The following CNTN6 variants were observed in gnomAD, a reference collection of about 807,000 sequenced individuals.
CNTN6 encodes the protein contactin-6.
In CNTN6, 137 loss-of-function variants were observed where a neutral mutation model predicts 122.8. That is an observed-to-expected ratio of 1.12 (90% CI 0.97 to 1.29). The LOEUF is 1.29. CNTN6 is among the 50% of genes most tolerant of loss of function. The pLI, the probability that CNTN6 is intolerant of heterozygous loss-of-function variation, is 0.00. For missense variants in CNTN6, 1,634 were observed against 1,223.4 expected (o/e 1.34, Z -5.01); for synonymous variants, 570 against 426.0 (o/e 1.34, Z -4.16).
intron 4 of CNTN6, among the ~76,000 whole-genome samples, chr3:1,245,042 G>C (rs1288999713): frequency 6.7e-6 from 1 of 148,730 alleles, no homozygotes; most frequent in African/African-American, 2.5e-5. Flanking sequence ...GGATGTATAC[G>C]TGCAAGTTAC....
chr3:1,099,393 G>A lies in CNTN6; in HGVS notation c.-83+6273G>A, dbSNP rs563385399. On this transcript the variant is annotated intron_variant, in intron 1 of 22. Transcript: ENST00000446702. ...GGGAACCCGGGGGGCGGAGCTTGCA[G>A]TGAGCCGAGATTGAGCCATTACACT... is the stretch of plus-strand genomic sequence containing the variant. Among the ~76,000 whole-genome samples the A allele has an allele frequency of 9.9e-5, 15 of 152,250 alleles. No homozygotes were observed. In the South Asian group the frequency reaches 1.0e-3, roughly 11 times the overall value.
Position 1,403,332 on chromosome 3 carries a change from G to A in CNTN6, c.3001G>A (p.Gly1001Arg). ...ATATTTTGCAGGTTTGAGTTCCAGA[G>A]GAATTCAATTCTTAGAACCTAGCAC... ...IPKMSSLSSR[G>R]IQFLEPSTHF... The change falls in exon 23 of 23, where the codon GGA (glycine) becomes AGA (arginine). Residue 1001 changes from glycine to arginine, a missense_variant. Physicochemically the swap from Gly to Arg is moderately radical, Grantham distance 125 (BLOSUM62 -2). Transcript: ENST00000446702. 6.2e-7 allele frequency: 1 copy of A among 1,606,908 alleles called. No homozygotes were observed. Among genetic ancestry groups the A allele is most frequent in the Non-Finnish European group, 8.5e-7 (1 of 1,176,022 alleles).
At chr3:1,322,648 A>ATGTG (rs1378474978) in intron 8 of CNTN6, among the ~76,000 whole-genome samples, 3 of 150,142 alleles carry the variant, frequency 2.0e-5, no homozygotes, top group South Asian at 4.2e-4. Flanking sequence ...GTGTGTGTGT[A>ATGTG]TGTGTGTGTG....
At chr3:1,289,197 A>G (rs1438886738) in intron 5 of CNTN6, among the ~76,000 whole-genome samples, 5 of 151,718 alleles carry the variant, frequency 3.3e-5, no homozygotes, top group Non-Finnish European at 7.4e-5. Context: ...TTCTTTCCCC[A>G]TTGAAAGATA....
At chr3:1,099,300 A>G (rs2090734924) in intron 1 of CNTN6, among the ~76,000 whole-genome samples, 1 of 151,862 alleles carries the variant, frequency 6.6e-6, no homozygotes, top group African/African-American at 2.4e-5. Context: ...AAATACAAAA[A>G]ATTAGCAGGG....
At chr3:1,325,294 G>GA (rs1701375814) in intron 8 of CNTN6, among the ~76,000 whole-genome samples, 1 of 151,644 alleles carries the variant, frequency 6.6e-6, no homozygotes, top group Non-Finnish European at 1.5e-5. Context: ...TTTTATCTAG[G>GA]AAAAAAGAAT....
At chr3:1,098,466 T>C (rs1311986039) in intron 1 of CNTN6, among the ~76,000 whole-genome samples, 1 of 151,740 alleles carries the variant, frequency 6.6e-6, no homozygotes, top group Non-Finnish European at 1.5e-5. Context: ...ACAACAACAA[T>C]AAAATTTGAA....
rs545165868 is a variant in CNTN6, at chr3:1,266,296, G to A, written c.359-12117G>A. Among the ~76,000 whole-genome samples the A allele has an allele frequency of 1.2e-4, 18 of 152,184 alleles. No homozygotes were observed. The South Asian group carries it at 3.3e-3, about 28-fold the overall frequency. ...TGGAGAAAGCTACAAAGAAAATGCCGATTGCAGCTGTGATTCCAAAGACCT... is the reference window on the plus strand; with the variant it reads ...TGGAGAAAGCTACAAAGAAAATGCCAATTGCAGCTGTGATTCCAAAGACCT... On this transcript the variant is annotated intron_variant, in intron 4 of 22. Coordinates refer to ENST00000446702, the MANE Select transcript of CNTN6 (RefSeq NM_001289080.2).
At chr3:1,114,941 A>G (rs2091649056) in intron 1 of CNTN6, among the ~76,000 whole-genome samples, 1 of 152,198 alleles carries the variant, frequency 6.6e-6, no homozygotes, top group African/African-American at 2.4e-5. Flanking sequence ...AGGCAGTGGT[A>G]GAAATGCTTA....
intron 20 of CNTN6, among the ~76,000 whole-genome samples, chr3:1,398,576 T>C (rs1050718487): frequency 6.6e-6 from 1 of 152,116 alleles, no homozygotes; most frequent in African/African-American, 2.4e-5. Context: ...AAATTGATTA[T>C]GTCATAACAC....
At chr3:1,330,748 G>T (rs73006834) in intron 11 of CNTN6, among the ~76,000 whole-genome samples, 1 of 151,790 alleles carries the variant, frequency 6.6e-6, no homozygotes, top group Admixed American at 6.6e-5. Context: ...TACCAGGATG[G>T]GCAGGTAAAA....
Position 1,226,598 on chromosome 3 carries a change from G to A in CNTN6, c.183-1220G>A, listed in dbSNP as rs566393924. 2.0e-5 allele frequency among the ~76,000 whole-genome samples: 3 copies of A among 152,186 alleles called. No individual in the cohort carries two copies. The East Asian group carries it at 5.8e-4, about 29-fold the overall frequency. ...GAACAAAAGGCCTTGCTAACTTCCCGCCAGTTTCTTACCATTAGATCATAC... is the reference window on the plus strand; with the variant it reads ...GAACAAAAGGCCTTGCTAACTTCCCACCAGTTTCTTACCATTAGATCATAC... On this transcript the variant is annotated intron_variant, in intron 3 of 22. Transcript: ENST00000446702.
intron 4 of CNTN6, among the ~76,000 whole-genome samples, chr3:1,228,901 T>G (rs1420596930): frequency 6.6e-6 from 1 of 152,180 alleles, no homozygotes; most frequent in African/African-American, 2.4e-5. Flanking sequence ...TGGGTCTGTT[T>G]CTCATTGCAA....
At chr3:1,225,405 C>T (rs919985136) in intron 3 of CNTN6, among the ~76,000 whole-genome samples, 1 of 152,156 alleles carries the variant, frequency 6.6e-6, no homozygotes, top group Admixed American at 6.5e-5. Flanking sequence ...TATGGGGATA[C>T]TGTGAAAAAT....
At chr3:1,320,366 A>T (rs115792018) in intron 7 of CNTN6, among the ~76,000 whole-genome samples, 1,684 of 151,764 alleles carry the variant, frequency 0.011, 30 homozygotes, top group African/African-American at 0.039. Flanking sequence ...ATTTTTTCCA[A>T]TAAAAATGTC....
chr3:1,329,739 T>C (rs767893954), intron 10 of CNTN6, 46 bp from the exon 11 acceptor site: 6 of 1,557,614 alleles, frequency 3.9e-6, no homozygotes. Flanking sequence ...AGTCACTACA[T>C]GTTAACTGAG....
chr3:1,171,005 G>C (rs1427117169), intron 2 of CNTN6, among the ~76,000 whole-genome samples: 18 of 152,188 alleles, frequency 1.2e-4, no homozygotes, highest in Non-Finnish European at 5.9e-5. Flanking sequence ...ACTGGGGTAG[G>C]GGTAGTGCCA....
chr3:1,379,389 G>A (rs544451985), intron 17 of CNTN6, among the ~76,000 whole-genome samples: 12 of 152,130 alleles, frequency 7.9e-5, no homozygotes, highest in Non-Finnish European at 1.6e-4. Context: ...TTACTATCTG[G>A]TAGCAACAAT....
chr3:1,148,979 C>T (rs7639404), intron 2 of CNTN6, among the ~76,000 whole-genome samples: 9 of 152,018 alleles, frequency 5.9e-5, no homozygotes, highest in South Asian at 2.1e-4. Flanking sequence ...TTGATGCCAA[C>T]GCTTGGAACT....
Sources: gnomAD v4.1 joint callset for allele counts (sites outside exome capture counted in the v4.1 genomes callset) on GRCh38, gnomAD v4.1.1 for gene constraint, MANE v1.5 for transcripts, NCBI Gene and HGNC (gene_info 2026-07-23, HGNC 2026-07-21) for gene names.